The following SCMH1 variants were observed in gnomAD, a reference collection of about 807,000 sequenced individuals.
SCMH1 encodes polycomb protein SCMH1.
A neutral mutation model predicts 70.8 loss-of-function variants in SCMH1; 37 were observed. That is an observed-to-expected ratio of 0.52 (90% confidence interval 0.40 to 0.69). SCMH1 has a LOEUF of 0.69. Among genes scored for constraint, SCMH1 ranks in the 30% least tolerant of loss-of-function variants. The probability of loss-of-function intolerance (pLI) is 0.00; values close to 1 mark genes in which losing one functional copy is unlikely to be tolerated. For synonymous variants in SCMH1, 292 were observed against 307.4 expected, an observed-to-expected ratio of 0.95 and a Z score of 0.52; for missense variants, 607 against 827.3, an observed-to-expected ratio of 0.73 and a Z score of 3.27.
chr1:41,238,468 TC>T (rs1662829132), intron 1 of SCMH1, among the ~76,000 whole-genome samples: 1 of 152,106 alleles, frequency 6.6e-6, no homozygotes, highest in South Asian at 2.1e-4. Context: ...TAAAAACCCC[TC>T]CTCCTTCAAG....
chr1:41,103,656 T>C (rs1185709557), intron 8 of SCMH1, among the ~76,000 whole-genome samples: 2 of 152,198 alleles, frequency 1.3e-5, no homozygotes, highest in African/African-American at 4.8e-5. Flanking sequence ...ATGAACTGCA[T>C]AAATCACATC....
At chr1:41,072,871 C>T (rs1457705267) in intron 9 of SCMH1, among the ~76,000 whole-genome samples, 1 of 151,888 alleles carries the variant, frequency 6.6e-6, no homozygotes, top group Non-Finnish European at 1.5e-5. Context: ...CCTCAAAAAT[C>T]AAAGCAAAAC....
chr1:41,214,494 G>C (rs1657687527), intron 1 of SCMH1, among the ~76,000 whole-genome samples: 1 of 152,024 alleles, frequency 6.6e-6, no homozygotes, highest in South Asian at 2.1e-4. Flanking sequence ...TTAGGATCTA[G>C]ATCTGATTCA....
intron 1 of SCMH1, among the ~76,000 whole-genome samples, chr1:41,213,033 A>G (rs1178226518): frequency 6.6e-6 from 1 of 152,224 alleles, no homozygotes; most frequent in African/African-American, 2.4e-5. Flanking sequence ...CATGCTACAA[A>G]TAAGAGTGTA....
intron 1 of SCMH1, among the ~76,000 whole-genome samples, chr1:41,228,747 G>C (rs1403533307): frequency 7.2e-6 from 1 of 137,974 alleles, no homozygotes; most frequent in East Asian, 2.0e-4. Flanking sequence ...TCCTGACTTG[G>C]GGAAAAAAAA....
chr1:41,234,460 T>G (rs1162807168), intron 1 of SCMH1, among the ~76,000 whole-genome samples: 9 of 108,268 alleles, frequency 8.3e-5, no homozygotes, highest in Non-Finnish European at 1.1e-4. Flanking sequence ...CCTCTTTTTT[T>G]TTTTTTTTTT....
intron 1 of SCMH1, among the ~76,000 whole-genome samples, chr1:41,223,533 T>C (rs572750619): frequency 2.0e-5 from 3 of 151,948 alleles, no homozygotes; most frequent in African/African-American, 7.2e-5. Flanking sequence ...TTAAGGAAAA[T>C]TATCCCTCAA....
chr1:41,161,819 A>C (rs898197035), intron 2 of SCMH1, among the ~76,000 whole-genome samples: 1 of 152,220 alleles, frequency 6.6e-6, no homozygotes, highest in Non-Finnish European at 1.5e-5. Context: ...AAAACACTAA[A>C]AACAAACAGC....
At chr1:41,220,313 A>C (rs1330419611) in intron 1 of SCMH1, among the ~76,000 whole-genome samples, 1 of 152,232 alleles carries the variant, frequency 6.6e-6, no homozygotes, top group African/African-American at 2.4e-5. Context: ...GTTTATGTAC[A>C]TGTGTTTAGA....
At chr1:41,081,643 C>A (rs954625840) in intron 8 of SCMH1, among the ~76,000 whole-genome samples, 1 of 151,932 alleles carries the variant, frequency 6.6e-6, no homozygotes, top group African/African-American at 2.4e-5. Flanking sequence ...ATAGCATGAC[C>A]CAGTCTCTAC....
At chr1:41,079,479 A>T (rs1232834141) in intron 8 of SCMH1, among the ~76,000 whole-genome samples, 1 of 152,156 alleles carries the variant, frequency 6.6e-6, no homozygotes, top group Non-Finnish European at 1.5e-5. Flanking sequence ...ACACTAACCA[A>T]AAGAAAACTA....
intron 6 of SCMH1, among the ~76,000 whole-genome samples, chr1:41,142,184 A>G (rs1413853749): frequency 2.0e-5 from 3 of 152,124 alleles, no homozygotes; most frequent in Non-Finnish European, 4.4e-5. Context: ...CCCATGATAC[A>G]TGCTCTCTAA....
At chr1:41,240,525 T>C (rs968774303) in intron 1 of SCMH1, among the ~76,000 whole-genome samples, 3 of 151,984 alleles carry the variant, frequency 2.0e-5, no homozygotes, top group Non-Finnish European at 4.4e-5. Context: ...AATTGCAGTT[T>C]GGCACTAAAC....
intron 2 of SCMH1, among the ~76,000 whole-genome samples, chr1:41,166,292 T>C (rs78636488): frequency 6.6e-6 from 1 of 152,258 alleles, no homozygotes; most frequent in East Asian, 1.9e-4. Flanking sequence ...CCAGCTTTGC[T>C]CTTTTTGGTC....
chr1:41,031,302 T>C (rs2148504871), intron 13 of SCMH1, among the ~76,000 whole-genome samples: 1 of 151,570 alleles, frequency 6.6e-6, no homozygotes, highest in African/African-American at 2.4e-5. Context: ...AAACAAACAA[T>C]AAACAAACAA....
At chr1:41,081,581 A>C (rs1480377561) in intron 8 of SCMH1, among the ~76,000 whole-genome samples, 2 of 152,098 alleles carry the variant, frequency 1.3e-5, no homozygotes, top group Admixed American at 1.3e-4. Context: ...ACTCTGGGAG[A>C]CTGAGGCAGG....
intron 8 of SCMH1, among the ~76,000 whole-genome samples, chr1:41,085,989 C>T (rs1274968336): frequency 6.6e-6 from 1 of 151,674 alleles, no homozygotes; most frequent in Non-Finnish European, 1.5e-5. Flanking sequence ...TACAGGTACC[C>T]ACCGCCACGC....
chr1:41,089,629 C>G (rs918258184), intron 8 of SCMH1, among the ~76,000 whole-genome samples: 15 of 152,008 alleles, frequency 9.9e-5, no homozygotes, highest in African/African-American at 3.6e-4. Context: ...CTCACCATTC[C>G]TTTGCTCAAA....
chr1:41,184,586 G>A (rs1649677580), intron 2 of SCMH1, among the ~76,000 whole-genome samples: 1 of 152,044 alleles, frequency 6.6e-6, no homozygotes. Context: ...TGCTCAGCAG[G>A]GATTTCACAA....
Sources: allele counts gnomAD v4.1 joint callset (sites outside exome capture counted in the v4.1 genomes callset), GRCh38; gene constraint gnomAD v4.1.1; transcripts MANE v1.5; gene names NCBI Gene and HGNC (gene_info 2026-07-23, HGNC 2026-07-21).